SDK1: variants seen among roughly 807,000 people sequenced by gnomAD.
The protein encoded by SDK1 is sidekick cell adhesion molecule 1.
SDK1 carries 157 observed loss-of-function variants against 245.5 expected under a neutral mutation model. The ratio of observed to expected loss-of-function variants is 0.64; its 90% confidence interval spans 0.56 to 0.73. The LOEUF (loss-of-function observed/expected upper bound fraction) is 0.73, where lower values mean the gene tolerates loss of function less well. SDK1 is among the 30% of genes least tolerant of loss of function. SDK1 has a pLI of 0.00. For missense variants in SDK1, 3,583 were observed against 3,002.3 expected, an observed-to-expected ratio of 1.19 and a Z score of -4.52; for synonymous variants, 1,647 against 1,278.5, an observed-to-expected ratio of 1.29 and a Z score of -6.15.
intron 4 of SDK1, among the ~76,000 whole-genome samples, chr7:3,761,296 C>G (rs956075370): frequency 4.4e-5 from 4 of 91,528 alleles, no homozygotes; most frequent in African/African-American, 1.3e-4. Context: ...TGCTGATGAT[C>G]TATTTAGTTA....
rs201781560 is a variant in SDK1, at chr7:4,174,203, C to G, written c.4801-19C>G. ...GTTGACTCCCATGGTGTGGCTGAGT[C>G]GGTGTGATGTCTTTGCAGCCTCCGA... On this transcript the variant is annotated intron_variant, in intron 32 of 44. Coordinates refer to ENST00000404826, the MANE Select transcript of SDK1 (RefSeq NM_152744.4). The G allele has an allele frequency of 1.2e-6, 2 of 1,613,272 alleles. No homozygotes were observed. The highest frequency in any genetic ancestry group is 2.7e-5 in the African/African-American group (2 of 74,914).
At chr7:3,346,587 C>T (rs1170154737) in intron 1 of SDK1, among the ~76,000 whole-genome samples, 4 of 150,574 alleles carry the variant, frequency 2.7e-5, no homozygotes, top group African/African-American at 9.8e-5. Flanking sequence ...GATCATGACT[C>T]AACTGCAGTC....
chr7:3,722,648 T>A (rs1778849919), intron 4 of SDK1, among the ~76,000 whole-genome samples: 1 of 152,140 alleles, frequency 6.6e-6, no homozygotes, highest in African/African-American at 2.4e-5. Flanking sequence ...AGCGCTGTGG[T>A]GTATTTAGCA....
At chr7:3,823,282 G>A (rs1447835231) in intron 5 of SDK1, among the ~76,000 whole-genome samples, 2 of 152,112 alleles carry the variant, frequency 1.3e-5, no homozygotes, top group African/African-American at 2.4e-5. Context: ...TACAGGTAGA[G>A]CCATTTATCT....
chr7:3,570,623 C>G (rs569003330), intron 1 of SDK1, among the ~76,000 whole-genome samples: 3 of 152,272 alleles, frequency 2.0e-5, no homozygotes, highest in Admixed American at 6.5e-5. Context: ...TTCTTGTTTT[C>G]TAATGATAGG....
In SDK1 at chr7:3,974,418, A is replaced by G; in HGVS notation, c.1867A>G (p.Arg623Gly). The change falls in exon 13 of 45, where the codon AGG becomes GGG. Residue 623 changes from arginine to glycine, a missense_variant. Coordinates refer to ENST00000404826, the MANE Select transcript of SDK1 (RefSeq NM_152744.4). Reference sequence around the variant, plus strand: ...GGCCCTGACTCCATCGAGCACGTCTAGGATCGTGGTGGAGAAGGACGGGTC... The same window carrying G: ...GGCCCTGACTCCATCGAGCACGTCTGGGATCGTGGTGGAGAAGGACGGGTC... ...NVALTPSSTS[R>G]IVVEKDGSLL... 1 of 1,614,180 alleles carries G rather than the reference A, an allele frequency of 6.2e-7. No homozygotes were observed. The highest frequency in any genetic ancestry group is 8.5e-7 in the Non-Finnish European group (1 of 1,180,026).
chr7:4,245,696 C>G lies in SDK1; in HGVS notation c.6272C>G (p.Pro2091Arg). The change falls in exon 44 of 45, where the codon CCC becomes CGC. Residue 2091 changes from proline (P) to arginine (R), a missense_variant. Pro to Arg is a moderately radical substitution (Grantham distance 103, BLOSUM62 -2). Transcript: ENST00000404826. ...NGTRSPPRPS[P>R]GGLHYSDEDI... The stretch of plus-strand genomic sequence containing the variant: ...CCTAGGTCCCCACCCCGGCCTAGCC[C>G]CGGCGGCCTGCACTACTCAGACGAG... 6.2e-7 allele frequency: 1 copy of G among 1,614,038 alleles called. No homozygotes were observed. The highest frequency in any genetic ancestry group is 8.5e-7 in the Non-Finnish European group (1 of 1,179,996).
intron 21 of SDK1, among the ~76,000 whole-genome samples, chr7:4,078,201 C>T (rs74726431): frequency 0.043 from 6,548 of 152,178 alleles, 425 homozygotes; most frequent in African/African-American, 0.14. Context: ...CAAGGCTGAA[C>T]GCTTGTAGCT....
intron 35 of SDK1, among the ~76,000 whole-genome samples, chr7:4,180,264 C>T (rs894435668): frequency 3.3e-5 from 5 of 150,552 alleles, no homozygotes; most frequent in African/African-American, 1.2e-4. Flanking sequence ...GGCTCCAGCT[C>T]TATGCCCAGT....
chr7:4,090,184 C>T (rs528371479), intron 22 of SDK1, among the ~76,000 whole-genome samples: 17 of 152,194 alleles, frequency 1.1e-4, no homozygotes, highest in African/African-American at 2.2e-4. Flanking sequence ...CTAAAATGAC[C>T]GCCACTTCTG....
intron 1 of SDK1, among the ~76,000 whole-genome samples, chr7:3,434,889 C>G (rs1218037363): frequency 6.6e-6 from 1 of 152,118 alleles, no homozygotes; most frequent in Non-Finnish European, 1.5e-5. Flanking sequence ...TAGAATTGGC[C>G]ATTTCATCGC....
At chr7:3,511,641 A>G (rs1208548437) in intron 1 of SDK1, among the ~76,000 whole-genome samples, 3 of 152,124 alleles carry the variant, frequency 2.0e-5, no homozygotes, top group African/African-American at 7.2e-5. Context: ...GATTGTGTTA[A>G]GTGGTAGTAT....
At chr7:3,853,568 G>T (rs182396571) in intron 5 of SDK1, among the ~76,000 whole-genome samples, 1 of 152,240 alleles carries the variant, frequency 6.6e-6, no homozygotes, top group African/African-American at 2.4e-5. Flanking sequence ...TCCAGTCTCA[G>T]ATTTTTTTGG....
chr7:4,049,856 A>G (rs1037101659), intron 18 of SDK1, among the ~76,000 whole-genome samples: 1 of 152,200 alleles, frequency 6.6e-6, no homozygotes, highest in African/African-American at 2.4e-5. Context: ...CCATGGAGAA[A>G]GGATAGTTTT....
chr7:4,059,966 G>A lies in SDK1; in HGVS notation c.2912-7872G>A, dbSNP rs868449653. ...GCAGTCTCGGCTCACTGCAAGCTCC[G>A]CCTCCCAGGTTCACGCCATTGTCCT... On this transcript the variant is annotated intron_variant, in intron 19 of 44. Coordinates refer to ENST00000404826, the MANE Select transcript of SDK1 (RefSeq NM_152744.4). Among the ~76,000 whole-genome samples the A allele has an allele frequency of 3.1e-4, 47 of 149,666 alleles. 1 individual carries two copies. Among genetic ancestry groups the A allele is most frequent in the Middle Eastern group, 3.5e-3 (1 of 288 alleles).
At chr7:3,832,134 C>A (rs1023283154) in intron 5 of SDK1, among the ~76,000 whole-genome samples, 1 of 152,062 alleles carries the variant, frequency 6.6e-6, no homozygotes, top group Non-Finnish European at 1.5e-5. Context: ...CAGTATTATC[C>A]CCTTTTTGCA....
chr7:4,132,588 A>G lies in SDK1; in HGVS notation c.4228+165A>G, dbSNP rs1406638053. ...AAAAAATTCAGACTATTAGCCGGGC[A>G]TGATGGCATGCACCTGTTGGTCCCA... On this transcript the variant is annotated intron_variant, in intron 28 of 44. Transcript: ENST00000404826. 3.0e-5 allele frequency: 17 copies of G among 561,164 alleles called. No homozygotes were observed. The Admixed American group carries it at 4.0e-4, about 13-fold the overall frequency. The allele number at this position is 561,164 out of a possible 1,614,324, so 34.8% of individuals were successfully genotyped here. A position where few individuals can be genotyped will look rare whatever the true frequency, so the allele number is the denominator to read the frequency against.
chr7:3,393,691 ATTCTTT>A (rs1245839504), intron 1 of SDK1, among the ~76,000 whole-genome samples: 3 of 152,120 alleles, frequency 2.0e-5, no homozygotes, highest in African/African-American at 7.2e-5. Context: ...TTTCTGCTTG[ATTCTTT>A]TTAATTATTT....
intron 25 of SDK1, among the ~76,000 whole-genome samples, chr7:4,122,123 G>A (rs1199544243): frequency 6.6e-6 from 1 of 152,082 alleles, no homozygotes; most frequent in East Asian, 1.9e-4. Flanking sequence ...GATGCTGCAG[G>A]ACTTCCGCTC....
Sources: allele counts gnomAD v4.1 joint callset (sites outside exome capture counted in the v4.1 genomes callset), GRCh38; gene constraint gnomAD v4.1.1; transcripts MANE v1.5; gene names NCBI Gene and HGNC (gene_info 2026-07-23, HGNC 2026-07-21).